The following HBS1L variants were observed in gnomAD, a reference collection of about 807,000 sequenced individuals.
The protein encoded by HBS1L is HBS1 like translational GTPase.
A neutral mutation model predicts 88.9 loss-of-function variants in HBS1L; 55 were observed. The ratio of observed to expected loss-of-function variants is 0.62; its 90% CI spans 0.50 to 0.77. The LOEUF is 0.77. Ranked by LOEUF, HBS1L falls within the 30% of genes least tolerant of loss-of-function variation. The probability of loss-of-function intolerance (pLI) is 0.00; values close to 1 mark genes in which losing one functional copy is unlikely to be tolerated. For synonymous variants in HBS1L, 267 were observed against 288.5 expected (o/e 0.93, Z 0.76); for missense variants, 741 against 829.3 (o/e 0.89, Z 1.31).
rs936508683 is a variant in HBS1L, at chr6:134,987,904, C to T, written c.1084-113G>A. 5 of 842,800 alleles carry T rather than the reference C, an allele frequency of 5.9e-6. No homozygotes were observed. In the African/African-American group the frequency reaches 8.9e-5, roughly 15 times the overall value. The allele number at this position is 842,800 out of a possible 1,614,324, so 52.2% of individuals were successfully genotyped here. On this transcript the variant is annotated intron_variant, in intron 8 of 17. Transcript: ENST00000367837. ...ATTTTTAAAGGAAGACCCTAACTAC[C>T]CCCACCAAAGCAAATCAAACAAAAG... is the stretch of plus-strand genomic sequence containing the variant.
At chr6:134,992,902 C>A (rs961287287) in intron 8 of HBS1L, among the ~76,000 whole-genome samples, 1 of 152,192 alleles carries the variant, frequency 6.6e-6, no homozygotes, top group African/African-American at 2.4e-5. Context: ...TCACCCAGAG[C>A]AACTTCCAGT....
Position 134,993,942 on chromosome 6 carries a change from GTCTACATGACCA to G in HBS1L, c.966-79_966-68del, listed in dbSNP as rs561531227. ...AGTGCTATAGAGTAAATTAATAATA[GTCTACATGACCA>G]TCTACATTCTTAGGTAAAAATGGAA... On this transcript the variant is annotated intron_variant, in intron 7 of 17. Coordinates refer to ENST00000367837, the MANE Select transcript of HBS1L (RefSeq NM_006620.4). 2.9e-4 allele frequency: 180 copies of G among 627,312 alleles called. No homozygotes were observed. In the Middle Eastern group the frequency reaches 9.4e-3, roughly 33 times the overall value. The allele number at this position is 627,312 out of a possible 1,614,324, so 38.9% of individuals were successfully genotyped here. A position where few individuals can be genotyped will look rare whatever the true frequency, so the allele number is the denominator to read the frequency against.
Position 135,016,049 on chromosome 6 carries a change from G to A in HBS1L, c.431-13207C>T, listed in dbSNP as rs1028119048. Among the ~76,000 whole-genome samples, 15 of 151,728 alleles carry A rather than the reference G, an allele frequency of 9.9e-5. 2 individuals carry two copies. Among genetic ancestry groups the A allele is most frequent in the Admixed American group, 2.6e-4 (4 of 15,240 alleles). On this transcript the variant is annotated intron_variant, in intron 4 of 17. Coordinates refer to ENST00000367837, the MANE Select transcript of HBS1L (RefSeq NM_006620.4). ...TTACAAGTGCCTGCCACCATGCCCG[G>A]CTAATTTTTGTATTTTAGAAGAGAT... is the stretch of plus-strand genomic sequence containing the variant.
chr6:135,033,014 T>C (rs895256451), intron 4 of HBS1L, among the ~76,000 whole-genome samples: 5 of 152,060 alleles, frequency 3.3e-5, no homozygotes, highest in African/African-American at 1.2e-4. Flanking sequence ...AAGAATCATA[T>C]CCAAAAGAGC....
intron 3 of HBS1L, among the ~76,000 whole-genome samples, chr6:135,040,250 T>C (rs1442222681): frequency 6.6e-6 from 1 of 151,706 alleles, no homozygotes; most frequent in Non-Finnish European, 1.5e-5. Context: ...ACTAAAATAA[T>C]CCTTAATGAC....
chr6:135,017,846 T>G (rs751060918), intron 4 of HBS1L, among the ~76,000 whole-genome samples: 2 of 151,942 alleles, frequency 1.3e-5, no homozygotes, highest in Non-Finnish European at 2.9e-5. Context: ...AATGGGGAAT[T>G]TTTTTATATT....
At chr6:135,004,260 TAA>T (rs11336026) in intron 4 of HBS1L, among the ~76,000 whole-genome samples, 67,495 of 134,712 alleles carry the variant, frequency 0.5, 15,582 homozygotes, top group South Asian at 0.59. Context: ...TACTAAATGA[TAA>T]AAAAAAAAAA....
intron 15 of HBS1L, 22 bp from the exon 16 acceptor site, chr6:134,969,360 CT>C: frequency 7.0e-7 from 1 of 1,430,096 alleles, no homozygotes; most frequent in Non-Finnish European, 9.9e-7. Flanking sequence ...AATTATAACA[CT>C]AAAAATCTGC....
intron 9 of HBS1L, 87 bp downstream of exon 9, chr6:134,987,558 T>A: frequency 1.1e-6 from 1 of 912,736 alleles, no homozygotes. Flanking sequence ...TAATAAAATG[T>A]ACACTAGTCA....
chr6:135,029,566 C>A (rs1227965018), intron 4 of HBS1L, among the ~76,000 whole-genome samples: 1 of 152,086 alleles, frequency 6.6e-6, no homozygotes, highest in African/African-American at 2.4e-5. Context: ...ATACCCCTAT[C>A]TATAAGAATT....
chr6:134,967,225 T>A (rs1306757493), intron 16 of HBS1L, among the ~76,000 whole-genome samples: 7 of 152,296 alleles, frequency 4.6e-5, no homozygotes, highest in Middle Eastern at 6.8e-3. Context: ...TTTGGAATTG[T>A]TTTCTAATTT....
intron 13 of HBS1L, 147 bp downstream of exon 13, chr6:134,982,311 T>C: frequency 1.7e-6 from 1 of 594,284 alleles, no homozygotes; most frequent in South Asian, 2.1e-5. Flanking sequence ...TTTCACATTT[T>C]AATCTTCAAC....
In HBS1L at chr6:135,054,794, C is replaced by G. The variant is rs1777199889; in HGVS notation, c.-103G>C. 7.1e-7 allele frequency: 1 copy of G among 1,409,568 alleles called. No homozygotes were observed. The highest frequency in any genetic ancestry group is 1.4e-5 in the African/African-American group (1 of 70,680). 87.3% of individuals were successfully genotyped at this position (1,409,568 alleles called of 1,614,324 possible). A position where few individuals can be genotyped will look rare whatever the true frequency, so the allele number is the denominator to read the frequency against. On this transcript the variant is annotated 5_prime_UTR_variant, in exon 1 of 18. The change abolishes an upstream ATG in the 5' untranslated region. Coordinates refer to ENST00000367837, the MANE Select transcript of HBS1L (RefSeq NM_006620.4). Reference sequence around the variant, plus strand: ...TGCAGCCTGGAGAACCCCTATGCGCCATCTTGGCTTCCCGCAGGCCTCTGC... The same window carrying G: ...TGCAGCCTGGAGAACCCCTATGCGCGATCTTGGCTTCCCGCAGGCCTCTGC...
intron 5 of HBS1L, among the ~76,000 whole-genome samples, chr6:135,000,442 T>C (rs1206873266): frequency 4.6e-5 from 7 of 151,818 alleles, no homozygotes. Context: ...TACATGAATC[T>C]AGAGGTTTAA....
chr6:135,026,277 A>C (rs1479230941), intron 4 of HBS1L, among the ~76,000 whole-genome samples: 1 of 152,218 alleles, frequency 6.6e-6, no homozygotes, highest in African/African-American at 2.4e-5. Flanking sequence ...ATTAATGAGA[A>C]ATAGAAAAGG....
Position 135,021,868 on chromosome 6 carries a change from A to T in HBS1L, c.430+17705T>A, listed in dbSNP as rs146119427. On this transcript the variant is annotated intron_variant, in intron 4 of 17. Coordinates refer to ENST00000367837, the MANE Select transcript of HBS1L (RefSeq NM_006620.4). The stretch of plus-strand genomic sequence containing the variant: ...CCAAATAAAACATATACAAAGCCTG[A>T]CACATAGCTGATATTCAAAATGTTA... Among the ~76,000 whole-genome samples, 90 of 152,274 alleles carry T rather than the reference A, an allele frequency of 5.9e-4. 1 individual carries two copies. Among genetic ancestry groups the T allele is most frequent in the African/African-American group, 2.1e-3 (86 of 41,552 alleles).
intron 5 of HBS1L, among the ~76,000 whole-genome samples, chr6:134,999,971 T>C (rs763191083): frequency 2.6e-5 from 4 of 152,346 alleles, no homozygotes; most frequent in Non-Finnish European, 4.4e-5. Context: ...AATTAATTAC[T>C]GACTGGTATG....
intron 4 of HBS1L, among the ~76,000 whole-genome samples, chr6:135,032,709 C>A (rs996001162): frequency 4.6e-5 from 7 of 152,122 alleles, no homozygotes; most frequent in Non-Finnish European, 7.4e-5. Flanking sequence ...CGTATTTTAT[C>A]TTCAGTGGTT....
Position 134,962,888 on chromosome 6 carries a change from T to C in HBS1L, c.*2391A>G, listed in dbSNP as rs1379340771. On this transcript the variant is annotated 3_prime_UTR_variant, in exon 18 of 18. Transcript: ENST00000367837. ...CACTTAATCAACTCGAGCCTTCCAC[T>C]GCCAACAGTCTTCTTACACAGTGGA... The C allele has an allele frequency of 6.6e-6, 1 of 152,236 alleles. No individual in the cohort carries two copies. The highest frequency in any genetic ancestry group is 1.9e-4 in the East Asian group (1 of 5,196). The allele number at this position is 152,236 out of a possible 1,614,324, so 9.4% of individuals were successfully genotyped here.
Sources: gnomAD v4.1 joint callset for allele counts (sites outside exome capture counted in the v4.1 genomes callset) on GRCh38, gnomAD v4.1.1 for gene constraint, MANE v1.5 for transcripts, NCBI Gene and HGNC (gene_info 2026-07-23, HGNC 2026-07-21) for gene names.